RBFOX1: variants seen among roughly 807,000 people sequenced by gnomAD.
The protein encoded by RBFOX1 is RNA binding fox-1 homolog 1.
In RBFOX1, 8 loss-of-function variants were observed where a neutral mutation model predicts 57.7. The ratio of observed to expected loss-of-function variants is 0.14; its 90% CI spans 0.08 to 0.25. The LOEUF is 0.25. Among genes scored for constraint, RBFOX1 ranks in the 10% least tolerant of loss-of-function variants. RBFOX1 has a pLI of 1.00. For missense variants in RBFOX1, 611 were observed against 548.5 expected, an observed-to-expected ratio of 1.11 and a Z score of -1.14; for synonymous variants, 326 against 222.4, an observed-to-expected ratio of 1.47 and a Z score of -4.15.
chr16:6,388,203 T>C (rs1274570214), intron 2 of RBFOX1, among the ~76,000 whole-genome samples: 1 of 152,020 alleles, frequency 6.6e-6, no homozygotes, highest in Non-Finnish European at 1.5e-5. Context: ...CCTGACCTTG[T>C]GATCCACCAA....
At chr16:6,472,028 C>G (rs2095187412) in intron 2 of RBFOX1, among the ~76,000 whole-genome samples, 1 of 152,194 alleles carries the variant, frequency 6.6e-6, no homozygotes, top group Non-Finnish European at 1.5e-5. Context: ...CCTCTGAGTT[C>G]TTTTCCCATC....
chr16:6,098,319 C>T (rs187523983), intron 1 of RBFOX1, among the ~76,000 whole-genome samples: 4 of 152,300 alleles, frequency 2.6e-5, no homozygotes, highest in Admixed American at 2.0e-4. Flanking sequence ...AATAGAAACG[C>T]CACCGCCTGC....
At chr16:7,477,694 G>T (rs1008975421) in intron 4 of RBFOX1, among the ~76,000 whole-genome samples, 1 of 152,148 alleles carries the variant, frequency 6.6e-6, no homozygotes, top group African/African-American at 2.4e-5. Flanking sequence ...AATTCCTTGG[G>T]CCCTGGGGAC....
chr16:5,440,936 C>A (rs1055579649), intron 1 of RBFOX1, among the ~76,000 whole-genome samples: 1 of 152,146 alleles, frequency 6.6e-6, no homozygotes, highest in African/African-American at 2.4e-5. Context: ...CTATGTTTTC[C>A]AGACTCACTT....
rs1169843345 is a variant in RBFOX1 at position 6,487,737 on chromosome 16, ATATATATATATAT to A, written c.-63-166865_-63-166853del. On this transcript the variant is annotated intron_variant, in intron 2 of 15. Transcript: ENST00000550418. ...TATATATATATATATATATATATAT[ATATATATATATAT>A]ATATAAAATATTATGCAGTGATGGG... Among the ~76,000 whole-genome samples the A allele has an allele frequency of 9.9e-3, 559 of 56,586 alleles. 30 individuals are homozygous for A. Among genetic ancestry groups the A allele is most frequent in the South Asian group, 0.038 (38 of 1,010 alleles). 37.1% of individuals were successfully genotyped at this position (56,586 alleles called of 152,430 possible).
intron 3 of RBFOX1, among the ~76,000 whole-genome samples, chr16:6,682,870 T>TA (rs33948007): frequency 0.097 from 11,282 of 115,748 alleles, 484 homozygotes; most frequent in Non-Finnish European, 0.13. Context: ...AGAAAAGAAT[T>TA]AAAAAAAAAA....
intron 4 of RBFOX1, among the ~76,000 whole-genome samples, chr16:6,011,367 CAG>C (rs1475769945): frequency 1.3e-5 from 2 of 152,068 alleles, no homozygotes; most frequent in East Asian, 1.9e-4. Flanking sequence ...AGAAAATTTA[CAG>C]AGTGTTTTTT....
At chr16:7,288,977 C>T (rs2095705887) in intron 4 of RBFOX1, among the ~76,000 whole-genome samples, 1 of 152,144 alleles carries the variant, frequency 6.6e-6, no homozygotes, top group Non-Finnish European at 1.5e-5. Context: ...AAAGTGACAG[C>T]CTGCTGAGAA....
intron 3 of RBFOX1, among the ~76,000 whole-genome samples, chr16:6,680,037 C>G (rs1401095299): frequency 6.6e-6 from 1 of 151,912 alleles, no homozygotes; most frequent in Non-Finnish European, 1.5e-5. Flanking sequence ...CAACCCAGTT[C>G]TGCTGTTTCA....
At chr16:6,832,225 G>A (rs1027352825) in intron 3 of RBFOX1, among the ~76,000 whole-genome samples, 11 of 152,166 alleles carry the variant, frequency 7.2e-5, no homozygotes, top group African/African-American at 2.4e-4. Context: ...TAAATAAGCA[G>A]GAGTTTCTGA....
At chr16:5,572,096 C>T (rs1208710016) in intron 2 of RBFOX1, among the ~76,000 whole-genome samples, 1 of 152,094 alleles carries the variant, frequency 6.6e-6, no homozygotes, top group East Asian at 1.9e-4. Context: ...TTGCTCTTTC[C>T]CTTGTGGTCC....
chr16:6,175,437 C>G (rs1487613222), intron 1 of RBFOX1, among the ~76,000 whole-genome samples: 1 of 151,914 alleles, frequency 6.6e-6, no homozygotes, highest in South Asian at 2.1e-4. Flanking sequence ...AGTAGAGACA[C>G]TAATTTTGGC....
intron 3 of RBFOX1, among the ~76,000 whole-genome samples, chr16:6,810,454 A>G (rs568258207): frequency 2.0e-5 from 3 of 152,214 alleles, no homozygotes; most frequent in East Asian, 3.9e-4. Flanking sequence ...TGGCGACACA[A>G]AGGTATCTAA....
intron 4 of RBFOX1, among the ~76,000 whole-genome samples, chr16:7,294,820 G>T (rs2095859573): frequency 6.6e-6 from 1 of 152,084 alleles, no homozygotes; most frequent in Non-Finnish European, 1.5e-5. Flanking sequence ...GATTTTGTAA[G>T]CAGCATCTCT....
intron 4 of RBFOX1, among the ~76,000 whole-genome samples, chr16:5,948,462 G>A (rs12929030): frequency 0.63 from 95,173 of 152,024 alleles, 31,364 homozygotes; most frequent in African/African-American, 0.84. Flanking sequence ...TCAGAATGTG[G>A]CCATATTTGG....
intron 1 of RBFOX1, among the ~76,000 whole-genome samples, chr16:5,449,805 A>C (rs986337738): frequency 1.3e-5 from 2 of 151,950 alleles, no homozygotes; most frequent in Non-Finnish European, 1.5e-5. Context: ...ACAGAGTCTC[A>C]CTATGTTGCC....
intron 4 of RBFOX1, among the ~76,000 whole-genome samples, chr16:7,120,828 TATACAC>T (rs1567336603): frequency 6.1e-5 from 2 of 32,582 alleles, no homozygotes; most frequent in South Asian, 1.5e-3. Context: ...TATATGTATA[TATACAC>T]ACACACACAC....
At chr16:6,306,522 C>T (rs893279296) in intron 1 of RBFOX1, among the ~76,000 whole-genome samples, 4 of 152,192 alleles carry the variant, frequency 2.6e-5, no homozygotes, top group African/African-American at 9.7e-5. Context: ...CTTTGGCCTT[C>T]TTAATAGCAC....
At chr16:6,668,108 C>T (rs939323318) in intron 3 of RBFOX1, among the ~76,000 whole-genome samples, 1 of 152,116 alleles carries the variant, frequency 6.6e-6, no homozygotes, top group Non-Finnish European at 1.5e-5. Context: ...TTTGTGTATC[C>T]TGTAGCTACT....
Sources: gnomAD v4.1 joint callset for allele counts (sites outside exome capture counted in the v4.1 genomes callset) on GRCh38, gnomAD v4.1.1 for gene constraint, MANE v1.5 for transcripts, NCBI Gene and HGNC (gene_info 2026-07-23, HGNC 2026-07-21) for gene names.